LRIF1: variants seen among roughly 807,000 people sequenced by gnomAD.
The protein encoded by LRIF1 is ligand dependent nuclear receptor interacting factor 1.
LRIF1 carries 32 observed loss-of-function variants against 52.7 expected under a neutral mutation model. The ratio of observed to expected loss-of-function variants is 0.61; its 90% CI spans 0.46 to 0.82. LRIF1 has a LOEUF of 0.82. LRIF1 is among the 40% of genes least tolerant of loss of function. The pLI is 0.00. For synonymous variants in LRIF1, 323 were observed against 317.4 expected (o/e 1.02, Z -0.19); for missense variants, 887 against 892.0 (o/e 0.99, Z 0.07).
At chr1:110,884,637 G>C in the LRIF1 span, among the ~76,000 whole-genome samples, 1 of 151,782 alleles carries the variant, frequency 6.6e-6, no homozygotes. Flanking sequence ...TTTTGACTAG[G>C]TGCAAAAACA....
chr1:110,889,923 G>A, the LRIF1 span, among the ~76,000 whole-genome samples: 2 of 152,112 alleles, frequency 1.3e-5, no homozygotes, highest in African/African-American at 2.4e-5. Context: ...ATCCTGAGGA[G>A]TAAGACAAGA....
intron 1 of LRIF1, among the ~76,000 whole-genome samples, chr1:110,953,164 GTCC>G (rs1369410941): frequency 9.2e-5 from 14 of 151,642 alleles, no homozygotes; most frequent in Admixed American, 9.2e-4. Context: ...CCTTCCTCTT[GTCC>G]TCCTCCTCTA....
chr1:110,949,080 C>G (rs560203852), intron 3 of LRIF1, among the ~76,000 whole-genome samples: 1 of 151,690 alleles, frequency 6.6e-6, no homozygotes, highest in Non-Finnish European at 1.5e-5. Context: ...TGCATTTTTA[C>G]CTGTGCGTGT....
intron 3 of LRIF1, among the ~76,000 whole-genome samples, chr1:110,948,917 CTTA>C (rs1291970126): frequency 6.6e-6 from 1 of 152,004 alleles, no homozygotes; most frequent in African/African-American, 2.4e-5. Context: ...CATATGCATG[CTTA>C]TATCTTCTAC....
downstream of LRIF1, among the ~76,000 whole-genome samples, chr1:110,946,000 T>C (rs968923329): frequency 2.6e-5 from 4 of 152,182 alleles, no homozygotes; most frequent in African/African-American, 9.7e-5. Context: ...CCTAGGTATA[T>C]ACCCAAGAGA....
the LRIF1 span, among the ~76,000 whole-genome samples, chr1:110,886,846 A>AAGATATATATATATAT: frequency 9.8e-4 from 99 of 100,982 alleles, no homozygotes; most frequent in South Asian, 1.8e-3. Flanking sequence ...CTCTGTCTCC[A>AAGATATATATATATAT]ATATATATAT....
chr1:110,962,711 T>C (rs148454028), intron 1 of LRIF1, among the ~76,000 whole-genome samples: 21 of 152,356 alleles, frequency 1.4e-4, no homozygotes, highest in African/African-American at 2.4e-4. Flanking sequence ...ACTAGCAAAG[T>C]TGAGATTAAC....
intron 1 of LRIF1, 33 bp from the exon 2 acceptor site, chr1:110,952,848 T>C: frequency 8.1e-7 from 1 of 1,227,004 alleles, no homozygotes; most frequent in Non-Finnish European, 1.1e-6. Flanking sequence ...AAATACAACA[T>C]ACTACATGGT....
At chr1:110,906,646 G>A in the LRIF1 span, among the ~76,000 whole-genome samples, 3 of 152,202 alleles carry the variant, frequency 2.0e-5, no homozygotes, top group Admixed American at 2.0e-4. Context: ...TAATTTGATT[G>A]GAATTCTAAA....
At chr1:110,960,534 T>C (rs906447198) in intron 1 of LRIF1, among the ~76,000 whole-genome samples, 2 of 152,224 alleles carry the variant, frequency 1.3e-5, no homozygotes, top group Non-Finnish European at 2.9e-5. Flanking sequence ...ATTCTTATTA[T>C]TGTAGGATAT....
At chr1:110,880,973 A>C in the LRIF1 span, among the ~76,000 whole-genome samples, 1 of 152,186 alleles carries the variant, frequency 6.6e-6, no homozygotes, top group Non-Finnish European at 1.5e-5. Flanking sequence ...GAAAAGAGAA[A>C]ATTTCAGCAA....
At chr1:110,929,950 A>T in the LRIF1 span, among the ~76,000 whole-genome samples, 1 of 152,102 alleles carries the variant, frequency 6.6e-6, no homozygotes, top group Non-Finnish European at 1.5e-5. Context: ...TGTACATCAA[A>T]CTCCCATGAC....
chr1:110,892,303 A>C, the LRIF1 span: 5 of 1,475,462 alleles, frequency 3.4e-6, no homozygotes, highest in Non-Finnish European at 4.7e-6. Context: ...ATACCCAAGA[A>C]CCACATTTTG....
At chr1:110,942,047 A>G in the LRIF1 span, 1 of 151,978 alleles carries the variant, frequency 6.6e-6, no homozygotes, top group Non-Finnish European at 1.5e-5. Flanking sequence ...TAGTTCATAG[A>G]GCTCTTCCTC....
chr1:110,906,868 G>A, the LRIF1 span, among the ~76,000 whole-genome samples: 1 of 152,120 alleles, frequency 6.6e-6, no homozygotes, highest in Non-Finnish European at 1.5e-5. Flanking sequence ...AAACAACTGG[G>A]ATGCTCTTGA....
chr1:110,952,346 G>C lies in LRIF1; in HGVS notation c.538C>G (p.Pro180Ala). ...LPVTVKSPVL[P>A]SGHHLQIPAH... ...GGAATCTGTAAATGATGCCCAGAAG[G>C]CAAAACTGGAGACTTCACAGTCACT... is the stretch of plus-strand genomic sequence containing the variant. Residue 180 changes from proline to alanine, a missense_variant, in exon 2 of 4, where the codon CCT becomes GCT. By Grantham distance (27) the Pro-to-Ala change is conservative. Transcript: ENST00000369763. 6.2e-7 allele frequency: 1 copy of C among 1,614,020 alleles called. No individual in the cohort carries two copies. Among genetic ancestry groups the C allele is most frequent in the Non-Finnish European group, 8.5e-7 (1 of 1,179,930 alleles).
At chr1:110,879,326 G>T in the LRIF1 span, among the ~76,000 whole-genome samples, 1 of 152,168 alleles carries the variant, frequency 6.6e-6, no homozygotes, top group Non-Finnish European at 1.5e-5. Flanking sequence ...GTGAAAGACA[G>T]GTTAAGCAAG....
rs199658391 is a variant in LRIF1, at chr1:110,962,915, TA to T, written c.68+705del. Among the ~76,000 whole-genome samples the T allele has an allele frequency of 1.3e-3, 184 of 146,922 alleles. 4 individuals carry two copies. In the East Asian group the frequency reaches 0.022, roughly 18 times the overall value. On this transcript the variant is annotated intron_variant, in intron 1 of 3. Transcript: ENST00000369763. ...CAATTCATTTCCTTGTAATACAATT[TA>T]AAAAAAAAAACCCAAAAACTAAGTT...
the LRIF1 span, chr1:110,894,401 G>C: frequency 1.2e-6 from 2 of 1,611,568 alleles, no homozygotes; most frequent in Non-Finnish European, 1.7e-6. Flanking sequence ...ATGAACAGAA[G>C]GTAAGTTATA....
Sources: allele counts gnomAD v4.1 joint callset (sites outside exome capture counted in the v4.1 genomes callset), GRCh38; gene constraint gnomAD v4.1.1; transcripts MANE v1.5; gene names NCBI Gene and HGNC (gene_info 2026-07-23, HGNC 2026-07-21).